IL15RA: variants seen among roughly 807,000 people sequenced by gnomAD.
IL15RA encodes interleukin 15 receptor subunit alpha.
A neutral mutation model predicts 24.2 loss-of-function variants in IL15RA; 26 were observed. The observed-to-expected ratio is 1.07, with a 90% CI of 0.79 to 1.49. The LOEUF (loss-of-function observed/expected upper bound fraction) is 1.49. IL15RA is among the 40% of genes most tolerant of loss of function. The pLI is 0.00. For missense variants in IL15RA, 354 were observed against 356.4 expected (o/e 0.99, Z 0.05); for synonymous variants, 166 against 157.6 (o/e 1.05, Z -0.40).
rs912865931 is a variant in IL15RA at position 5,959,668 on chromosome 10, G to A, written c.616+86C>T. The A allele has an allele frequency of 1.7e-6, 2 of 1,166,552 alleles. No individual in the cohort carries two copies. Among genetic ancestry groups the A allele is most frequent in the Admixed American group, 1.7e-5 (1 of 59,104 alleles). 72.3% of individuals were successfully genotyped at this position (1,166,552 alleles called of 1,614,324 possible). Reference sequence around the variant, plus strand: ...GGGCTGCTGTCAGGGCTGTGCTGGGGCAGCGGGCCTGGGCCAGGACCACCC... The same window carrying A: ...GGGCTGCTGTCAGGGCTGTGCTGGGACAGCGGGCCTGGGCCAGGACCACCC... On this transcript the variant is annotated intron_variant, in intron 5 of 6. Transcript: ENST00000379977. The surrounding 1 kb of genome is among the most constrained non-coding windows in gnomAD (Gnocchi z 4.1).
rs146591305 is a variant in IL15RA, at chr10:5,960,496, G to T, written c.454C>A (p.Leu152Met). 3.8e-5 allele frequency: 62 copies of T among 1,614,070 alleles called. No homozygotes were observed. The Middle Eastern group carries it at 4.9e-4, about 13-fold the overall frequency. The change falls in exon 4 of 7, where the codon CTG (leucine) becomes ATG (methionine). Residue 152 changes from leucine to methionine, a missense_variant. By Grantham distance (15) the Leu-to-Met change is conservative. Transcript: ENST00000379977. The surrounding 1 kb of genome is among the most constrained non-coding windows in gnomAD (Gnocchi z 5.1). ...GTGGAAGGTGATTTTGAAGGCATCAGCTGGGAGCCCGGGACAATAGCTGCT... is the reference window on the plus strand; with the variant it reads ...GTGGAAGGTGATTTTGAAGGCATCATCTGGGAGCCCGGGACAATAGCTGCT... ...TTAAIVPGSQLMPSKSPSTGT... is the reference protein window; with the variant it reads ...TTAAIVPGSQMMPSKSPSTGT...
rs932568037 is a variant in IL15RA, at chr10:5,960,072, G to A, written c.584-286C>T. On this transcript the variant is annotated intron_variant, in intron 4 of 6. Transcript: ENST00000379977. The surrounding 1 kb of genome is among the most constrained non-coding windows in gnomAD (Gnocchi z 5.1). The stretch of plus-strand genomic sequence containing the variant: ...GGCAGCTTCACCACCTCCTACTGCA[G>A]GAGGGCACAGATGCCACTCCCAGCT... Among the ~76,000 whole-genome samples, 1 of 152,182 alleles carries A rather than the reference G, an allele frequency of 6.6e-6. No individual in the cohort carries two copies. The highest frequency in any genetic ancestry group is 2.4e-5 in the African/African-American group (1 of 41,452).
rs773123583 is a variant in IL15RA, at chr10:5,958,059, C to T, written c.617-1605G>A. On this transcript the variant is annotated intron_variant, in intron 5 of 6. Transcript: ENST00000379977. The surrounding 1 kb of genome is among the most constrained non-coding windows in gnomAD (Gnocchi z 4.3). ...GCACCTATGGATTTTCAATTAATGG[C>T]TGTTTGTAAGATAACAACAGAATGT... 3 of 210,160 alleles carry T rather than the reference C, an allele frequency of 1.4e-5. No individual in the cohort carries two copies. The highest frequency in any genetic ancestry group is 5.2e-5 in the Admixed American group (1 of 19,196). The allele number at this position is 210,160 out of a possible 1,614,324, so 13.0% of individuals were successfully genotyped here.
chr10:5,956,311 G>A (rs1286647365), intron 6 of IL15RA, 68 bp downstream of exon 6: 12 of 1,302,160 alleles, frequency 9.2e-6, no homozygotes, highest in South Asian at 6.0e-5. Context: ...TACCGCGCCC[G>A]GCCAGGTGCA....
At chr10:5,957,241 A>G (rs1027395897) in intron 5 of IL15RA, among the ~76,000 whole-genome samples, 2 of 151,452 alleles carry the variant, frequency 1.3e-5, no homozygotes, top group Admixed American at 1.3e-4. Flanking sequence ...GTTTACAGGC[A>G]TGAGCCACTG....
intron 5 of IL15RA, among the ~76,000 whole-genome samples, chr10:5,956,815 G>C (rs1440539591): frequency 6.6e-6 from 1 of 152,150 alleles, no homozygotes; most frequent in Admixed American, 6.5e-5. Context: ...TGCTGCTAAA[G>C]CCAGGGTTGA....
Position 5,960,144 on chromosome 10 carries a change from T to TG in IL15RA, c.583+222dup, listed in dbSNP as rs1042551975. Among the ~76,000 whole-genome samples the TG allele has an allele frequency of 3.3e-5, 5 of 152,062 alleles. No homozygotes were observed. Among genetic ancestry groups the TG allele is most frequent in the South Asian group, 2.1e-4 (1 of 4,802 alleles). ...TGATAAGGCTGGCCCTGTCACATCTTGGGGGGGTGTGGGCTTGCTTTTGCA... is the reference window on the plus strand; with the variant it reads ...TGATAAGGCTGGCCCTGTCACATCTTGGGGGGGGTGTGGGCTTGCTTTTGCA... On this transcript the variant is annotated intron_variant, in intron 4 of 6. Transcript: ENST00000379977. This position sits in a 1 kb window ranked among gnomAD's most constrained non-coding sequence, Gnocchi z 5.1.
At chr10:5,977,682 C>CAGGGG, upstream of IL15RA, 1 of 1,223,110 alleles carries the variant, frequency 8.2e-7, no homozygotes, top group Non-Finnish European at 1.0e-6. Context: ...CCCACCCCTG[C>CAGGGG]TGGGGAAGGA....
upstream of IL15RA, chr10:5,977,580 C>T: frequency 8.0e-7 from 1 of 1,257,408 alleles, no homozygotes; most frequent in Non-Finnish European, 1.0e-6. Context: ...CTGGGACCTG[C>T]CGCCCCGCCA....
rs1282575203 is a variant in IL15RA at position 5,964,555 on chromosome 10, G to T, written c.284-714C>A. On this transcript the variant is annotated intron_variant, in intron 2 of 6. Coordinates refer to ENST00000379977, the MANE Select transcript of IL15RA (RefSeq NM_002189.4). This position sits in a 1 kb window ranked among gnomAD's most constrained non-coding sequence, Gnocchi z 5.6. ...AGAGGGAGTTGTGAGTGATCAGAAC[G>T]TGGAAGGATCCTTTGGGCTAGGTGA... 2.0e-5 allele frequency among the ~76,000 whole-genome samples: 3 copies of T among 151,598 alleles called. No individual in the cohort carries two copies. The highest frequency in any genetic ancestry group is 2.9e-5 in the Non-Finnish European group (2 of 68,030).
At chr10:5,977,693 G>A, upstream of IL15RA, 2 of 1,214,092 alleles carry the variant, frequency 1.6e-6, no homozygotes, top group East Asian at 3.2e-5. Flanking sequence ...TGGGGAAGGA[G>A]CCCCGCCGGC....
chr10:5,951,140 T>A (rs1833836300), downstream of IL15RA, among the ~76,000 whole-genome samples: 1 of 32,100 alleles, frequency 3.1e-5, no homozygotes, highest in East Asian at 8.9e-4. Flanking sequence ...AGACTCAGTC[T>A]CAAAAAAAAA....
Position 5,973,849 on chromosome 10 carries a change from C to T in IL15RA, c.88+3556G>A, listed in dbSNP as rs1837992693. Among the ~76,000 whole-genome samples, 1 of 152,106 alleles carries T rather than the reference C, an allele frequency of 6.6e-6. No homozygotes were observed. The highest frequency in any genetic ancestry group is 2.4e-5 in the African/African-American group (1 of 41,424). ...ACTTCATAAAAATTAAAAACTTCTG[C>T]TTTTCAAAAGACACTGCTAAGAGAA... On this transcript the variant is annotated intron_variant, in intron 1 of 6. Transcript: ENST00000379977. This position sits in a 1 kb window ranked among gnomAD's most constrained non-coding sequence, Gnocchi z 4.5.
At chr10:5,977,709 C>A, upstream of IL15RA, 2 of 1,162,358 alleles carry the variant, frequency 1.7e-6, no homozygotes, top group Non-Finnish European at 2.2e-6. Context: ...CCGGCCGCCG[C>A]GGCACCGCAC....
At position 5,955,087 on chromosome 10, in the gene IL15RA, C is replaced by G. The variant is rs1322203494; in HGVS notation, c.692+1292G>C. On this transcript the variant is annotated intron_variant, in intron 6 of 6. Coordinates refer to ENST00000379977, the MANE Select transcript of IL15RA (RefSeq NM_002189.4). This position sits in a 1 kb window ranked among gnomAD's most constrained non-coding sequence, Gnocchi z 5.3. ...ATGTGCATTTTGTCAAAATTAGGCT[C>G]AAAGGGTCACATAATTTTTTTTTTT... 1.3e-5 allele frequency among the ~76,000 whole-genome samples: 2 copies of G among 151,184 alleles called. No homozygotes were observed. The highest frequency in any genetic ancestry group is 2.9e-5 in the Non-Finnish European group (2 of 67,932).
chr10:5,950,072 GA>G (rs1356879968), downstream of IL15RA, among the ~76,000 whole-genome samples: 2 of 149,412 alleles, frequency 1.3e-5, no homozygotes, highest in Non-Finnish European at 3.0e-5. This position sits in a 1 kb window ranked among gnomAD's most constrained non-coding sequence, Gnocchi z 5.6. Flanking sequence ...CTCCAGCCTG[GA>G]CAGCAGAGCA....
chr10:5,964,457 C>T lies in IL15RA; in HGVS notation c.284-616G>A, dbSNP rs1404830698. Reference sequence around the variant, plus strand: ...TGCTGGGATTACAGGTGTAAGCCACCATACCTGGCTTACATTTCACTTGTT... The same window carrying T: ...TGCTGGGATTACAGGTGTAAGCCACTATACCTGGCTTACATTTCACTTGTT... On this transcript the variant is annotated intron_variant, in intron 2 of 6. Transcript: ENST00000379977. The surrounding 1 kb of genome is among the most constrained non-coding windows in gnomAD (Gnocchi z 5.6). Among the ~76,000 whole-genome samples the T allele has an allele frequency of 1.3e-5, 2 of 152,162 alleles. No individual in the cohort carries two copies. Among genetic ancestry groups the T allele is most frequent in the Non-Finnish European group, 2.9e-5 (2 of 68,020 alleles).
In IL15RA at chr10:5,958,984, C is replaced by T. The variant is rs1401934896; in HGVS notation, c.616+770G>A. On this transcript the variant is annotated intron_variant, in intron 5 of 6. Transcript: ENST00000379977. The surrounding 1 kb of genome is among the most constrained non-coding windows in gnomAD (Gnocchi z 4.3). ...TTCCTCCTGTTCTCCCCTCCTCTCT[C>T]AGCTCTCCTCCCCTCCCTTCAGCTT... Among the ~76,000 whole-genome samples, 2 of 152,034 alleles carry T rather than the reference C, an allele frequency of 1.3e-5. No homozygotes were observed. Among genetic ancestry groups the T allele is most frequent in the African/African-American group, 4.8e-5 (2 of 41,390 alleles).
upstream of IL15RA, chr10:5,977,548 G>C: frequency 7.8e-6 from 10 of 1,276,998 alleles, no homozygotes; most frequent in Middle Eastern, 2.5e-4. Context: ...GCCCAGGCCG[G>C]GGGGAGGTGG....
Sources: gnomAD v4.1 joint callset for allele counts (sites outside exome capture counted in the v4.1 genomes callset) on GRCh38, gnomAD v4.1.1 for gene constraint, Gnocchi (gnomAD v3.1) non-coding constraint, MANE v1.5 for transcripts, NCBI Gene and HGNC (gene_info 2026-07-23, HGNC 2026-07-21) for gene names.